SNX6: variants seen among roughly 807,000 people sequenced by gnomAD.
The protein encoded by SNX6 is sorting nexin 6, also known as sorting nexin-6.
A neutral mutation model predicts 63.0 loss-of-function variants in SNX6; 34 were observed. The ratio of observed to expected loss-of-function variants is 0.54; its 90% CI spans 0.41 to 0.72. The LOEUF (loss-of-function observed/expected upper bound fraction) is 0.72. SNX6 is among the 30% of genes least tolerant of loss of function. The probability of loss-of-function intolerance (pLI) is 0.00; values close to 1 mark genes in which losing one functional copy is unlikely to be tolerated. For synonymous variants in SNX6, 170 were observed against 164.2 expected, an observed-to-expected ratio of 1.04 and a Z score of -0.27; for missense variants, 398 against 471.4, an observed-to-expected ratio of 0.84 and a Z score of 1.44.
Position 34,593,088 on chromosome 14 carries a change from C to G in SNX6, c.675G>C (p.Lys225Asn), listed in dbSNP as rs1882461885. Residue 225 changes from lysine to asparagine, a missense_variant, in exon 8 of 14, where the codon AAG becomes AAC. Transcript: ENST00000362031. ...TFLLEYHNRV[K>N]DASAKSDRMT... ...TTCTATCAGATTTAGCAGATGCATC[C>G]TTAACTCGGTTATGATACTCCAAAA... The G allele has an allele frequency of 6.2e-7, 1 of 1,609,390 alleles. No homozygotes were observed. Among genetic ancestry groups the G allele is most frequent in the Non-Finnish European group, 8.5e-7 (1 of 1,178,772 alleles).
intron 2 of SNX6, chr14:34,629,388 A>C (rs745317879): frequency 2.3e-6 from 1 of 439,234 alleles, no homozygotes; most frequent in Non-Finnish European, 4.6e-6. Flanking sequence ...TGCATAATCT[A>C]GTAGGGCACT....
chr14:34,583,234 G>A (rs1254744697), intron 9 of SNX6, among the ~76,000 whole-genome samples: 2 of 152,082 alleles, frequency 1.3e-5, no homozygotes, highest in Non-Finnish European at 2.9e-5. Flanking sequence ...GTGTGAACCC[G>A]GGAGGTGGAG....
intron 13 of SNX6, 111 bp from the exon 14 acceptor site, chr14:34,563,286 C>T (rs981429156): frequency 6.0e-5 from 63 of 1,049,660 alleles, no homozygotes; most frequent in Non-Finnish European, 4.1e-5. Context: ...AAGCCGGGCG[C>T]GGTGGCTCAT....
At chr14:34,584,587 C>T (rs1882073462) in intron 9 of SNX6, among the ~76,000 whole-genome samples, 1 of 151,932 alleles carries the variant, frequency 6.6e-6, no homozygotes, top group Non-Finnish European at 1.5e-5. Context: ...AACACATATA[C>T]ATACATACAT....
intron 4 of SNX6, among the ~76,000 whole-genome samples, chr14:34,606,735 GC>G (rs1034278485): frequency 6.7e-6 from 1 of 150,100 alleles, no homozygotes; most frequent in Non-Finnish European, 1.5e-5. Context: ...AGCCACCGTG[GC>G]CGGCCGAGAC....
intron 2 of SNX6, among the ~76,000 whole-genome samples, chr14:34,612,105 G>A (rs370450865): frequency 1.4e-3 from 209 of 151,916 alleles, no homozygotes; most frequent in African/African-American, 4.8e-3. Context: ...TCACATTCAG[G>A]CTTTTTGTTT....
At chr14:34,568,795 T>C (rs1046319447) in intron 11 of SNX6, 19 of 987,166 alleles carry the variant, frequency 1.9e-5, no homozygotes, top group Admixed American at 3.6e-5. Flanking sequence ...TTCCACCATT[T>C]TTAGCCCCTC....
At chr14:34,627,551 A>T (rs1213232721) in intron 2 of SNX6, among the ~76,000 whole-genome samples, 1 of 151,404 alleles carries the variant, frequency 6.6e-6, no homozygotes, top group Non-Finnish European at 1.5e-5. Context: ...ATCTCAGCTC[A>T]CTGCAACCTC....
chr14:34,581,459 T>C (rs1881931473), intron 10 of SNX6, 102 bp downstream of exon 10: 2 of 648,146 alleles, frequency 3.1e-6, no homozygotes, highest in African/African-American at 3.5e-5. Context: ...CCAATAGTGA[T>C]CACTCTTTTA....
chr14:34,613,613 AAACCCCGTC>A (rs1303216004), intron 2 of SNX6, among the ~76,000 whole-genome samples: 1 of 151,782 alleles, frequency 6.6e-6, no homozygotes, highest in East Asian at 2.0e-4. Context: ...TAACACAGTG[AAACCCCGTC>A]TCTACTAAAA....
intron 2 of SNX6, among the ~76,000 whole-genome samples, chr14:34,613,874 C>T (rs1028871266): frequency 6.6e-6 from 1 of 150,736 alleles, no homozygotes; most frequent in African/African-American, 2.4e-5. Flanking sequence ...TCTGGGAGCC[C>T]GAGGTGGGTG....
intron 7 of SNX6, among the ~76,000 whole-genome samples, chr14:34,596,658 T>G (rs1050526169): frequency 1.3e-5 from 2 of 148,314 alleles, no homozygotes; most frequent in Admixed American, 1.3e-4. Context: ...ATGGAAAAGC[T>G]GAGATCCAGA....
At chr14:34,572,875 G>A (rs1799628827) in intron 11 of SNX6, among the ~76,000 whole-genome samples, 1 of 151,824 alleles carries the variant, frequency 6.6e-6, no homozygotes, top group Non-Finnish European at 1.5e-5. Flanking sequence ...GTAGAGACGG[G>A]GTTTCACTGT....
At chr14:34,600,962 G>T (rs1028252054) in intron 6 of SNX6, among the ~76,000 whole-genome samples, 4 of 151,656 alleles carry the variant, frequency 2.6e-5, no homozygotes, top group African/African-American at 4.8e-5. Context: ...AGGTTGTACT[G>T]AGTCGATACA....
chr14:34,605,620 G>A lies in SNX6; in HGVS notation c.368C>T (p.Thr123Ile), dbSNP rs893453070. 2 of 1,586,184 alleles carry A rather than the reference G, an allele frequency of 1.3e-6. No homozygotes were observed. Among genetic ancestry groups the A allele is most frequent in the Non-Finnish European group, 1.7e-6 (2 of 1,169,950 alleles). ...GEGSMTKEEF[T>I]KMKQELEAEY... ...CGCTTCCAGTTCCTGTTTCATCTTT[G>A]TGAATTCTTCCTTCGTCATTGACCC... The change falls in exon 5 of 14, where the codon ACA (threonine) becomes ATA (isoleucine). Residue 123 changes from threonine (T) to isoleucine (I), a missense_variant. Transcript: ENST00000362031.
At chr14:34,614,697 C>T (rs762205704) in intron 2 of SNX6, among the ~76,000 whole-genome samples, 1 of 152,138 alleles carries the variant, frequency 6.6e-6, no homozygotes, top group Admixed American at 6.6e-5. Context: ...GCAGGAGGAT[C>T]GCTTGAGCCC....
chr14:34,563,255 C>T (rs1215855245), intron 13 of SNX6, 80 bp from the exon 14 acceptor site: 8 of 1,385,350 alleles, frequency 5.8e-6, no homozygotes, highest in South Asian at 2.4e-5. Flanking sequence ...CAGTTAGAAA[C>T]GACATAAAAT....
chr14:34,608,457 C>T (rs1883103878), intron 3 of SNX6, among the ~76,000 whole-genome samples: 1 of 152,182 alleles, frequency 6.6e-6, no homozygotes, highest in Admixed American at 6.6e-5. Flanking sequence ...GCCACTGTGT[C>T]TGGCCTTAAA....
intron 8 of SNX6, among the ~76,000 whole-genome samples, chr14:34,587,033 A>G (rs1341988746): frequency 7.8e-6 from 1 of 128,994 alleles, no homozygotes; most frequent in Non-Finnish European, 1.7e-5. Context: ...AAAAAAAAAA[A>G]CAACTGGAAA....
Sources: gnomAD v4.1 joint callset for allele counts (sites outside exome capture counted in the v4.1 genomes callset) on GRCh38, gnomAD v4.1.1 for gene constraint, MANE v1.5 for transcripts, NCBI Gene and HGNC (gene_info 2026-07-23, HGNC 2026-07-21) for gene names.